Variants in GNA14 observed in about 807,000 individuals in gnomAD.
GNA14 encodes guanine nucleotide-binding protein subunit alpha-14.
GNA14 carries 50 observed loss-of-function variants against 42.0 expected under a neutral mutation model. The ratio of observed to expected loss-of-function variants is 1.19; its 90% confidence interval spans 0.95 to 1.51. The LOEUF (loss-of-function observed/expected upper bound fraction) is 1.51. GNA14 is among the 40% of genes most tolerant of loss of function. The probability of loss-of-function intolerance (pLI) is 0.00; values close to 1 mark genes in which losing one functional copy is unlikely to be tolerated. For missense variants in GNA14, 473 were observed against 446.2 expected (o/e 1.06, Z -0.54); for synonymous variants, 173 against 163.1 (o/e 1.06, Z -0.46).
intron 1 of GNA14, among the ~76,000 whole-genome samples, chr9:77,638,580 A>C (rs1324384894): frequency 6.6e-6 from 1 of 152,236 alleles, no homozygotes. Context: ...GTGTTTGAAA[A>C]ACACAAAGGT....
chr9:77,493,255 G>A (rs1836817329), intron 2 of GNA14, among the ~76,000 whole-genome samples: 1 of 151,608 alleles, frequency 6.6e-6, no homozygotes, highest in African/African-American at 2.4e-5. Context: ...CTCCTTTTTT[G>A]TGCCTCCTTA....
rs561161265 is a variant in GNA14, at chr9:77,496,311, TCAAGTACAAGAGC to T, written c.309+32745_309+32757del. On this transcript the variant is annotated intron_variant, in intron 2 of 6. Coordinates refer to ENST00000341700, the MANE Select transcript of GNA14 (RefSeq NM_004297.4). Reference sequence around the variant, plus strand: ...CACCTTGACTGATTCATCTCAAGCCTCAAGTACAAGAGCCAAGTTTTCACAGGACATAAAATAG... The same window carrying T: ...CACCTTGACTGATTCATCTCAAGCCTCAAGTTTTCACAGGACATAAAATAG... Among the ~76,000 whole-genome samples, 158 of 152,284 alleles carry T rather than the reference TCAAGTACAAGAGC, an allele frequency of 1.0e-3. 1 individual carries two copies. The highest frequency in any genetic ancestry group is 3.7e-3 in the South Asian group (18 of 4,824).
At chr9:77,530,042 G>C (rs137988027) in intron 1 of GNA14, among the ~76,000 whole-genome samples, 16 of 152,054 alleles carry the variant, frequency 1.1e-4, no homozygotes, top group East Asian at 7.7e-4. Context: ...ACCATGTTTG[G>C]AACATGATGT....
chr9:77,490,744 G>A (rs1374264489), intron 2 of GNA14, among the ~76,000 whole-genome samples: 9 of 152,332 alleles, frequency 5.9e-5, no homozygotes, highest in African/African-American at 1.9e-4. Context: ...ACACAGCCCC[G>A]GTTCCTGCTC....
At position 77,646,857 on chromosome 9, in the gene GNA14, G is replaced by A. The variant is rs114580035; in HGVS notation, c.124+813C>T. 7.7e-3 allele frequency among the ~76,000 whole-genome samples: 1,168 copies of A among 152,358 alleles called. 11 individuals are homozygous for A. The highest frequency in any genetic ancestry group is 0.026 in the African/African-American group (1,098 of 41,590). On this transcript the variant is annotated intron_variant, in intron 1 of 6. Coordinates refer to ENST00000341700, the MANE Select transcript of GNA14 (RefSeq NM_004297.4). ...AAACCTTAAACTGTGTTCTTTCTGT[G>A]TTTGAAAGTGGATGTCCTACCCAGA...
chr9:77,486,586 T>A (rs1836664193), intron 2 of GNA14, among the ~76,000 whole-genome samples: 1 of 152,234 alleles, frequency 6.6e-6, no homozygotes. Flanking sequence ...TCACTAAGCT[T>A]AATCATTTCT....
intron 1 of GNA14, among the ~76,000 whole-genome samples, chr9:77,569,694 C>A (rs1012715085): frequency 1.3e-5 from 2 of 152,048 alleles, no homozygotes; most frequent in African/African-American, 4.8e-5. Context: ...GCTGTGTCTG[C>A]CCCTGTAAAG....
chr9:77,459,900 C>A (rs1366775802), intron 2 of GNA14, among the ~76,000 whole-genome samples: 1 of 152,166 alleles, frequency 6.6e-6, no homozygotes, highest in Admixed American at 6.5e-5. Context: ...CATCCCGCTA[C>A]CCCACTGTGG....
At chr9:77,428,862 T>C (rs1458987509) in intron 5 of GNA14, 45 bp downstream of exon 5, 1 of 1,598,802 alleles carries the variant, frequency 6.3e-7, no homozygotes, top group South Asian at 1.1e-5. Flanking sequence ...AACCACAGAA[T>C]AGGCTCTGGC....
At chr9:77,563,699 CA>C (rs1822920169) in intron 1 of GNA14, among the ~76,000 whole-genome samples, 1 of 151,816 alleles carries the variant, frequency 6.6e-6, no homozygotes, top group African/African-American at 2.4e-5. Flanking sequence ...CCTTTCAGTT[CA>C]ATTGAAGTGT....
At chr9:77,625,091 C>T (rs948117067) in intron 1 of GNA14, among the ~76,000 whole-genome samples, 9 of 151,566 alleles carry the variant, frequency 5.9e-5, no homozygotes, top group African/African-American at 2.2e-4. Flanking sequence ...GAACACAGAA[C>T]AAGAACTTCG....
At chr9:77,495,507 G>A (rs1016951744) in intron 2 of GNA14, among the ~76,000 whole-genome samples, 3 of 152,168 alleles carry the variant, frequency 2.0e-5, no homozygotes, top group African/African-American at 7.2e-5. Context: ...GACATTCTAC[G>A]AATAAGAAAT....
At chr9:77,482,776 A>T (rs530656748) in intron 2 of GNA14, among the ~76,000 whole-genome samples, 35 of 151,798 alleles carry the variant, frequency 2.3e-4, no homozygotes, top group Admixed American at 2.0e-3. Context: ...TTTTCTCTAA[A>T]CTTCTCTTCT....
At chr9:77,446,853 TTAGCATGGGAGGTTC>T (rs1448575128) in intron 2 of GNA14, among the ~76,000 whole-genome samples, 5 of 152,218 alleles carry the variant, frequency 3.3e-5, no homozygotes, top group African/African-American at 1.2e-4. Context: ...ATAAATGATG[TTAGCATGGGAGGTTC>T]TAGGCTAGCT....
intron 2 of GNA14, among the ~76,000 whole-genome samples, chr9:77,526,951 C>A (rs141737436): frequency 2.0e-5 from 3 of 152,232 alleles, no homozygotes; most frequent in African/African-American, 4.8e-5. Flanking sequence ...AAAAACAAAA[C>A]AAAAGCAAAA....
intron 1 of GNA14, among the ~76,000 whole-genome samples, chr9:77,573,406 A>G (rs2131797529): frequency 6.6e-6 from 1 of 152,174 alleles, no homozygotes; most frequent in South Asian, 2.1e-4. Flanking sequence ...CCGAGACTGC[A>G]CCACTGCACT....
chr9:77,482,989 C>T (rs1023113387), intron 2 of GNA14, among the ~76,000 whole-genome samples: 1 of 152,034 alleles, frequency 6.6e-6, no homozygotes, highest in Non-Finnish European at 1.5e-5. Flanking sequence ...ACTTCTTTGC[C>T]ATTGGTTTGA....
chr9:77,629,051 A>AC (rs954419858), intron 1 of GNA14, among the ~76,000 whole-genome samples: 1 of 152,140 alleles, frequency 6.6e-6, no homozygotes, highest in African/African-American at 2.4e-5. Context: ...AGAAAAAAAA[A>AC]CCCCATCAAA....
At chr9:77,539,747 T>C (rs1490183805) in intron 1 of GNA14, among the ~76,000 whole-genome samples, 1 of 152,194 alleles carries the variant, frequency 6.6e-6, no homozygotes, top group Non-Finnish European at 1.5e-5. Flanking sequence ...TGGTTGGTTG[T>C]ATATTTACAG....
Sources: allele counts gnomAD v4.1 joint callset (sites outside exome capture counted in the v4.1 genomes callset), GRCh38; gene constraint gnomAD v4.1.1; transcripts MANE v1.5; gene names NCBI Gene and HGNC (gene_info 2026-07-23, HGNC 2026-07-21).